The following GRM7 variants were observed in gnomAD, a reference collection of about 807,000 sequenced individuals.
GRM7 encodes the protein glutamate metabotropic receptor 7, also known as metabotropic glutamate receptor 7.
Under a neutral mutation model 84.5 loss-of-function variants are expected in GRM7, and 35 were observed. That is an observed-to-expected ratio of 0.41 (90% CI 0.32 to 0.55). The LOEUF (loss-of-function observed/expected upper bound fraction) is 0.55, where lower values mean the gene tolerates loss of function less well. GRM7 is among the 20% of genes least tolerant of loss of function. The probability of loss-of-function intolerance (pLI) is 0.19; values close to 1 mark genes in which losing one functional copy is unlikely to be tolerated. For synonymous variants in GRM7, 487 were observed against 455.1 expected, an observed-to-expected ratio of 1.07 and a Z score of -0.89; for missense variants, 1,003 against 1,194.6, an observed-to-expected ratio of 0.84 and a Z score of 2.36.
chr3:7,732,150 A>T (rs778976752), intron 9 of GRM7, among the ~76,000 whole-genome samples: 30 of 152,010 alleles, frequency 2.0e-4, no homozygotes, highest in Admixed American at 4.6e-4. Context: ...GGTTCACGCC[A>T]TTCTCCTGCC....
intron 1 of GRM7, among the ~76,000 whole-genome samples, chr3:7,100,116 G>A (rs887204389): frequency 3.3e-5 from 5 of 151,110 alleles, no homozygotes; most frequent in South Asian, 2.1e-4. Flanking sequence ...TTAAATCTTC[G>A]AAGTAGATTT....
chr3:7,329,214 C>T (rs1009165381), intron 4 of GRM7, among the ~76,000 whole-genome samples: 3 of 152,144 alleles, frequency 2.0e-5, no homozygotes, highest in African/African-American at 4.8e-5. Flanking sequence ...AACCTTGTTA[C>T]TTCACTACTG....
intron 1 of GRM7, among the ~76,000 whole-genome samples, chr3:6,919,837 T>C (rs1697064678): frequency 6.6e-6 from 1 of 152,182 alleles, no homozygotes; most frequent in Non-Finnish European, 1.5e-5. Context: ...TCCTTCCTTT[T>C]CCTGTACCTT....
intron 3 of GRM7, among the ~76,000 whole-genome samples, chr3:7,303,490 T>G (rs545566312): frequency 3.9e-4 from 60 of 152,164 alleles, no homozygotes; most frequent in African/African-American, 1.4e-3. Context: ...CTTATTCCTA[T>G]CTCTATAGTC....
At chr3:7,145,671 G>A (rs949166383) in intron 1 of GRM7, among the ~76,000 whole-genome samples, 1 of 152,080 alleles carries the variant, frequency 6.6e-6, no homozygotes, top group African/African-American at 2.4e-5. Context: ...ATAGGCAAAA[G>A]TTCTAGAGCT....
chr3:7,592,384 A>G (rs1313705661), intron 8 of GRM7, among the ~76,000 whole-genome samples: 1 of 152,210 alleles, frequency 6.6e-6, no homozygotes, highest in Non-Finnish European at 1.5e-5. Flanking sequence ...GAAGCAAACC[A>G]TGAGGAGATC....
intron 1 of GRM7, among the ~76,000 whole-genome samples, chr3:6,927,852 T>G (rs1697367277): frequency 6.6e-6 from 1 of 152,196 alleles, no homozygotes; most frequent in South Asian, 2.1e-4. Flanking sequence ...TTAAATAATC[T>G]CCTATTATTC....
At chr3:7,048,972 T>C (rs1696894677) in intron 1 of GRM7, among the ~76,000 whole-genome samples, 1 of 151,982 alleles carries the variant, frequency 6.6e-6, no homozygotes, top group Admixed American at 6.6e-5. Context: ...TGGTTAAAAA[T>C]AAAGCATTTC....
At chr3:6,962,512 T>C (rs1018461813) in intron 1 of GRM7, among the ~76,000 whole-genome samples, 2 of 152,150 alleles carry the variant, frequency 1.3e-5, no homozygotes, top group Non-Finnish European at 2.9e-5. Context: ...CTGAGGAACA[T>C]GAATATAATG....
At chr3:7,633,222 T>C (rs1376055672) in intron 8 of GRM7, among the ~76,000 whole-genome samples, 1 of 152,260 alleles carries the variant, frequency 6.6e-6, no homozygotes, top group East Asian at 1.9e-4. Context: ...TTGCTAATAA[T>C]GGTAGACACT....
rs116060755 is a variant in GRM7 at position 7,489,407 on chromosome 3, G to T, written c.1515+27685G>T. 4.0e-3 allele frequency among the ~76,000 whole-genome samples: 613 copies of T among 152,172 alleles called. 6 individuals carry two copies. Among genetic ancestry groups the T allele is most frequent in the African/African-American group, 0.014 (581 of 41,518 alleles). On this transcript the variant is annotated intron_variant, in intron 7 of 9. Transcript: ENST00000357716. The stretch of plus-strand genomic sequence containing the variant: ...TTGTTATTTCCATTTTACAAGTGTA[G>T]CTCTGAATACTAATTTAAATCTCAC...
At chr3:7,603,262 A>T (rs1277818841) in intron 8 of GRM7, among the ~76,000 whole-genome samples, 1 of 152,130 alleles carries the variant, frequency 6.6e-6, no homozygotes, top group East Asian at 1.9e-4. Context: ...AAGAAAAAAA[A>T]ATCAGTCCAT....
intron 8 of GRM7, among the ~76,000 whole-genome samples, chr3:7,591,760 C>A (rs1454323356): frequency 6.6e-6 from 1 of 152,124 alleles, no homozygotes. Context: ...TAGATTACTT[C>A]TTTGAAACGC....
intron 2 of GRM7, among the ~76,000 whole-genome samples, chr3:7,168,963 G>A (rs1159585051): frequency 2.0e-5 from 3 of 152,178 alleles, no homozygotes; most frequent in Non-Finnish European, 2.9e-5. Context: ...ATTCTTATAT[G>A]TGCATAAATA....
At chr3:7,670,183 G>A (rs750134485) in intron 8 of GRM7, among the ~76,000 whole-genome samples, 29 of 152,138 alleles carry the variant, frequency 1.9e-4, no homozygotes, top group Non-Finnish European at 3.5e-4. Flanking sequence ...TGGTGATCAT[G>A]GAAAGGCAGG....
Position 7,197,892 on chromosome 3 carries a change from A to T in GRM7, c.736+51224A>T, listed in dbSNP as rs1695931838. Among the ~76,000 whole-genome samples, 3 of 152,152 alleles carry T rather than the reference A, an allele frequency of 2.0e-5. No individual in the cohort carries two copies. In the South Asian group the frequency reaches 6.2e-4, roughly 31 times the overall value. On this transcript the variant is annotated intron_variant, in intron 2 of 9. Transcript: ENST00000357716. Reference sequence around the variant, plus strand: ...ACCTTGGGAGAAGACCAATTTCTTCATTCCAGGGCCCCAGTAAAGTTGAAT... The same window carrying T: ...ACCTTGGGAGAAGACCAATTTCTTCTTTCCAGGGCCCCAGTAAAGTTGAAT...
chr3:7,534,328 C>T (rs2125008531), intron 7 of GRM7, among the ~76,000 whole-genome samples: 1 of 152,202 alleles, frequency 6.6e-6, no homozygotes, highest in African/African-American at 2.4e-5. Context: ...GTGCTGAATA[C>T]TTTAAATATA....
intron 1 of GRM7, among the ~76,000 whole-genome samples, chr3:6,968,823 T>A (rs1245048536): frequency 6.6e-6 from 1 of 152,156 alleles, no homozygotes; most frequent in Non-Finnish European, 1.5e-5. Flanking sequence ...CACTTAACCA[T>A]TGTTACCCAT....
intron 7 of GRM7, among the ~76,000 whole-genome samples, chr3:7,565,850 T>A (rs1286775269): frequency 6.6e-6 from 1 of 152,220 alleles, no homozygotes; most frequent in African/African-American, 2.4e-5. Flanking sequence ...TCTAAGGAAG[T>A]AACCTTTATC....
Sources: allele counts gnomAD v4.1 joint callset (sites outside exome capture counted in the v4.1 genomes callset), GRCh38; gene constraint gnomAD v4.1.1; transcripts MANE v1.5; gene names NCBI Gene and HGNC (gene_info 2026-07-23, HGNC 2026-07-21).